The following ZNF407 variants were observed in gnomAD, a reference collection of about 807,000 sequenced individuals.
ZNF407 encodes zinc finger protein 407.
ZNF407 carries 17 observed loss-of-function variants against 131.2 expected under a neutral mutation model. That is an observed-to-expected ratio of 0.13 (90% CI 0.09 to 0.19). The LOEUF is 0.19. ZNF407 is among the 10% of genes least tolerant of loss of function. The probability of loss-of-function intolerance (pLI) is 1.00; values close to 1 mark genes in which losing one functional copy is unlikely to be tolerated. For missense variants in ZNF407, 2,681 were observed against 2,830.6 expected, an observed-to-expected ratio of 0.95 and a Z score of 1.20; for synonymous variants, 1,156 against 1,062.0, an observed-to-expected ratio of 1.09 and a Z score of -1.72.
chr18:74,994,149 G>T (rs56730705), intron 8 of ZNF407, among the ~76,000 whole-genome samples: 4,461 of 152,208 alleles, frequency 0.029, 198 homozygotes, highest in African/African-American at 0.098. Flanking sequence ...TTGTTCTGTG[G>T]CTGTGTAAGA....
At position 74,635,007 on chromosome 18, in the gene ZNF407, A is replaced by G. The variant is rs780562468; in HGVS notation, c.3988A>G (p.Thr1330Ala). The change falls in exon 2 of 9, where the codon ACA becomes GCA. Residue 1330 changes from threonine (T) to alanine (A), a missense_variant. Transcript: ENST00000299687. The surrounding 1 kb of genome is among the most constrained non-coding windows in gnomAD (Gnocchi z 4.7). ...GGAGGATGGCCCAGCTTCTGATAGC[A>G]CAGTTGAAAGTAGTGATGTCTATGA... ...LEEDGPASDSTVESSDVYETI... is the reference protein window; with the variant it reads ...LEEDGPASDSAVESSDVYETI... 7 of 1,614,030 alleles carry G rather than the reference A, an allele frequency of 4.3e-6. No homozygotes were observed. The highest frequency in any genetic ancestry group is 5.9e-6 in the Non-Finnish European group (7 of 1,179,894).
chr18:74,625,444 C>G (rs1397155039), intron 1 of ZNF407, among the ~76,000 whole-genome samples: 2 of 152,092 alleles, frequency 1.3e-5, no homozygotes, highest in Non-Finnish European at 2.9e-5. Flanking sequence ...GGAACTCCTG[C>G]TGGTGCCTAG....
chr18:74,931,375 T>C (rs1298974626), intron 8 of ZNF407, among the ~76,000 whole-genome samples: 1 of 152,156 alleles, frequency 6.6e-6, no homozygotes, highest in East Asian at 1.9e-4. Flanking sequence ...GCAAATAACC[T>C]ATTTTAAAAA....
chr18:74,739,512 A>T (rs979533850), intron 3 of ZNF407, among the ~76,000 whole-genome samples: 3 of 150,866 alleles, frequency 2.0e-5, no homozygotes, highest in Admixed American at 6.6e-5. Context: ...ATTTATATTT[A>T]TATATATATA....
chr18:74,615,037 G>A (rs183815403), intron 1 of ZNF407, among the ~76,000 whole-genome samples: 4 of 152,328 alleles, frequency 2.6e-5, no homozygotes, highest in Admixed American at 6.5e-5. Flanking sequence ...AGGCTTTTAA[G>A]GGGCCATGAG....
Position 75,063,214 on chromosome 18 carries a change from C to T in ZNF407, c.5493C>T (p.Asp1831=), listed in dbSNP as rs1200270810. 1.2e-6 allele frequency: 2 copies of T among 1,612,480 alleles called. No homozygotes were observed. The highest frequency in any genetic ancestry group is 1.1e-5 in the South Asian group (1 of 90,930). The change falls in exon 9 of 9, where the codon GAC becomes GAT. Residue 1831 remains aspartate, a synonymous_variant. Coordinates refer to ENST00000299687, the MANE Select transcript of ZNF407 (RefSeq NM_017757.3). The surrounding 1 kb of genome is among the most constrained non-coding windows in gnomAD (Gnocchi z 6.6). ...KGQGATFVET[D]SPFTAAALAE... is the part of the protein sequence containing the mutation. ...AAGGAGCCACCTTCGTGGAGACAGA[C>T]AGCCCCTTCACCGCGGCGGCCTTGG... is the stretch of plus-strand genomic sequence containing the variant.
intron 3 of ZNF407, among the ~76,000 whole-genome samples, chr18:74,644,250 A>G (rs1234614848): frequency 1.3e-5 from 2 of 150,198 alleles, no homozygotes; most frequent in East Asian, 1.9e-4. Context: ...CGAGAGAGGA[A>G]TTTTATAGAA....
Position 74,890,052 on chromosome 18 carries a change from A to G in ZNF407, c.5249+14A>G. The stretch of plus-strand genomic sequence containing the variant: ...GTGTGACTACAGGTAATGACTCATC[A>G]CTGAGCAGTCAAATCAGGTGGGCCG... On this transcript the variant is annotated intron_variant, in intron 7 of 8. Coordinates refer to ENST00000299687, the MANE Select transcript of ZNF407 (RefSeq NM_017757.3). 2.0e-6 allele frequency: 3 copies of G among 1,530,748 alleles called. No individual in the cohort carries two copies. The highest frequency in any genetic ancestry group is 2.4e-5 in the East Asian group (1 of 41,726). 94.8% of individuals were successfully genotyped at this position (1,530,748 alleles called of 1,614,324 possible).
At chr18:74,798,289 T>A (rs79183795) in intron 4 of ZNF407, among the ~76,000 whole-genome samples, 1,902 of 152,068 alleles carry the variant, frequency 0.013, 13 homozygotes, top group Non-Finnish European at 0.018. Flanking sequence ...TTGATTTTTT[T>A]AATTTTTTTT....
rs1984287753 is a variant in ZNF407, at chr18:74,633,984, A to G, written c.2965A>G (p.Lys989Glu). 2 of 1,614,062 alleles carry G rather than the reference A, an allele frequency of 1.2e-6. No homozygotes were observed. The highest frequency in any genetic ancestry group is 1.7e-6 in the Non-Finnish European group (2 of 1,179,900). ...GEVNSHLLDK[K>E]EQISSEPEDF... The stretch of plus-strand genomic sequence containing the variant: ...AGTTAACAGCCATCTTCTTGATAAA[A>G]AGGAGCAAATATCTTCAGAGCCAGA... The change falls in exon 2 of 9, where the codon AAG becomes GAG. Residue 989 changes from lysine (K) to glutamate (E), a missense_variant. Transcript: ENST00000299687.
At chr18:74,779,711 A>T (rs944896233) in intron 3 of ZNF407, among the ~76,000 whole-genome samples, 1 of 152,060 alleles carries the variant, frequency 6.6e-6, no homozygotes, top group Middle Eastern at 3.2e-3. Context: ...TGTGCCATGT[A>T]ATATTTTTGC....
intron 7 of ZNF407, among the ~76,000 whole-genome samples, chr18:74,909,230 C>G (rs1291145429): frequency 6.6e-6 from 1 of 151,842 alleles, no homozygotes; most frequent in Admixed American, 6.6e-5. Flanking sequence ...TATTTTTAGT[C>G]AGATGAATTG....
chr18:74,672,033 T>C (rs1986159261), intron 3 of ZNF407, among the ~76,000 whole-genome samples: 1 of 152,162 alleles, frequency 6.6e-6, no homozygotes, highest in Non-Finnish European at 1.5e-5. Flanking sequence ...TGTGGGCATG[T>C]GTCTTTATGG....
chr18:74,966,598 G>A (rs1004748022), intron 8 of ZNF407, among the ~76,000 whole-genome samples: 1 of 152,154 alleles, frequency 6.6e-6, no homozygotes, highest in Non-Finnish European at 1.5e-5. Context: ...CAGGTAATGT[G>A]ATTCCTCCAG....
chr18:74,649,541 CATTTT>C (rs1420526847), intron 3 of ZNF407, among the ~76,000 whole-genome samples: 1 of 152,142 alleles, frequency 6.6e-6, no homozygotes, highest in Non-Finnish European at 1.5e-5. Flanking sequence ...ATATTAAAGA[CATTTT>C]AGTATTCACC....
intron 8 of ZNF407, among the ~76,000 whole-genome samples, chr18:74,952,150 A>G (rs1413001029): frequency 6.6e-6 from 1 of 152,144 alleles, no homozygotes; most frequent in African/African-American, 2.4e-5. Context: ...AGGAGAAGAA[A>G]ATACTTGATT....
intron 8 of ZNF407, among the ~76,000 whole-genome samples, chr18:74,990,297 C>T (rs963361449): frequency 6.6e-6 from 1 of 152,172 alleles, no homozygotes; most frequent in Non-Finnish European, 1.5e-5. Context: ...CCTAGCTCAA[C>T]CAAGTTTACT....
chr18:74,852,328 A>G (rs1433732501), intron 4 of ZNF407, among the ~76,000 whole-genome samples: 1 of 152,198 alleles, frequency 6.6e-6, no homozygotes, highest in African/African-American at 2.4e-5. Context: ...AAATATGCAT[A>G]ACTTTTGAGG....
intron 3 of ZNF407, 99 bp from the exon 4 acceptor site, chr18:74,781,329 T>C (rs1969596868): frequency 2.4e-6 from 2 of 848,312 alleles, no homozygotes; most frequent in South Asian, 3.4e-5. Flanking sequence ...GCTTTTTATG[T>C]TATGTTTGCA....
Sources: allele counts gnomAD v4.1 joint callset (sites outside exome capture counted in the v4.1 genomes callset), GRCh38; gene constraint gnomAD v4.1.1; non-coding constraint Gnocchi (gnomAD v3.1); transcripts MANE v1.5; gene names NCBI Gene and HGNC (gene_info 2026-07-23, HGNC 2026-07-21).